The following NCK1 variants were observed in gnomAD, a reference collection of about 807,000 sequenced individuals.
NCK1 encodes the protein NCK adaptor protein 1, also known as SH2/SH3 adapter protein NCK1.
In NCK1, 19 loss-of-function variants were observed where a neutral mutation model predicts 36.6. The ratio of observed to expected loss-of-function variants is 0.52; its 90% CI spans 0.36 to 0.76. NCK1 has a LOEUF of 0.76. Among genes scored for constraint, NCK1 ranks in the 30% least tolerant of loss-of-function variants. NCK1 has a pLI of 0.00. For missense variants in NCK1, 358 were observed against 445.6 expected (o/e 0.80, Z 1.77); for synonymous variants, 165 against 156.0 (o/e 1.06, Z -0.43).
chr3:136,904,913 A>T (rs2108104544), intron 1 of NCK1, among the ~76,000 whole-genome samples: 1 of 142,096 alleles, frequency 7.0e-6, no homozygotes, highest in African/African-American at 2.6e-5. Context: ...AGAATCTTTT[A>T]TCTGCTTAAT....
At chr3:136,934,909 C>CT (rs762950267) in intron 2 of NCK1, among the ~76,000 whole-genome samples, 7 of 152,224 alleles carry the variant, frequency 4.6e-5, no homozygotes, top group Non-Finnish European at 7.4e-5. Context: ...TTGTGGTGAA[C>CT]TGTGAGGTCA....
intron 1 of NCK1, among the ~76,000 whole-genome samples, chr3:136,882,884 G>A (rs933207742): frequency 2.0e-5 from 3 of 152,150 alleles, no homozygotes; most frequent in Non-Finnish European, 4.4e-5. Context: ...CTCTTTCACA[G>A]CGTGTGTTGG....
At chr3:136,902,140 C>T (rs1243824130) in intron 1 of NCK1, among the ~76,000 whole-genome samples, 2 of 148,474 alleles carry the variant, frequency 1.3e-5, no homozygotes, top group African/African-American at 4.9e-5. Context: ...TGTTGTTTAA[C>T]TTCTGTGTAT....
At chr3:136,899,924 C>A in intron 1 of NCK1, 2 of 886,946 alleles carry the variant, frequency 2.3e-6, no homozygotes, top group South Asian at 2.7e-5. Flanking sequence ...GGAGATTGTT[C>A]AAATTAGGTT....
intron 1 of NCK1, among the ~76,000 whole-genome samples, chr3:136,904,179 G>A (rs1368851192): frequency 6.6e-6 from 1 of 151,820 alleles, no homozygotes; most frequent in Admixed American, 6.6e-5. Flanking sequence ...TTTTTAGACA[G>A]TCTCGCTCTG....
chr3:136,923,413 G>A (rs959267928), intron 1 of NCK1, among the ~76,000 whole-genome samples: 19 of 151,914 alleles, frequency 1.3e-4, no homozygotes, highest in Admixed American at 9.2e-4. Context: ...AAAATTAGCC[G>A]GGCATGGTGG....
At chr3:136,870,334 T>A (rs1938576137) in intron 1 of NCK1, among the ~76,000 whole-genome samples, 1 of 95,582 alleles carries the variant, frequency 1.0e-5, no homozygotes, top group African/African-American at 3.6e-5. Flanking sequence ...AAGGAGAGAC[T>A]TAATCTCAAA....
At chr3:136,915,505 T>A (rs1008001500) in intron 1 of NCK1, among the ~76,000 whole-genome samples, 1 of 152,200 alleles carries the variant, frequency 6.6e-6, no homozygotes, top group African/African-American at 2.4e-5. Context: ...GTAACTCCAG[T>A]AGGTCTTATG....
intron 1 of NCK1, among the ~76,000 whole-genome samples, chr3:136,913,093 C>T (rs1441462797): frequency 1.3e-5 from 2 of 151,758 alleles, no homozygotes; most frequent in African/African-American, 2.4e-5. Context: ...CTATTAGGCC[C>T]GTCTTCTGAT....
chr3:136,867,080 C>A (rs1020862151), intron 1 of NCK1, among the ~76,000 whole-genome samples: 3 of 3,732 alleles, frequency 8.0e-4, no homozygotes. Flanking sequence ...TTCTTTCTTT[C>A]TTTCTTTCTT....
At chr3:136,905,835 G>T (rs953873913) in intron 1 of NCK1, among the ~76,000 whole-genome samples, 2 of 151,928 alleles carry the variant, frequency 1.3e-5, no homozygotes, top group African/African-American at 4.8e-5. Flanking sequence ...ATGTTGCCCT[G>T]GCTGGTCTTG....
At chr3:136,866,501 T>G (rs1938415959) in intron 1 of NCK1, among the ~76,000 whole-genome samples, 1 of 151,896 alleles carries the variant, frequency 6.6e-6, no homozygotes, top group African/African-American at 2.4e-5. Context: ...GAGACGGGGT[T>G]TCTCCGTGTT....
rs946130587 is a variant in NCK1, at chr3:136,936,132, T to C, written c.226+7905T>C. Among the ~76,000 whole-genome samples the C allele has an allele frequency of 1.7e-4, 26 of 151,686 alleles. 1 individual carries two copies. Among genetic ancestry groups the C allele is most frequent in the African/African-American group, 6.3e-4 (26 of 41,362 alleles). On this transcript the variant is annotated intron_variant, in intron 2 of 3. Transcript: ENST00000481752. ...CTCAGCTCACTGCAACCTCTGCCTCTTGGGTTCAAGTGATTCTCCTGCCTC... is the reference window on the plus strand; with the variant it reads ...CTCAGCTCACTGCAACCTCTGCCTCCTGGGTTCAAGTGATTCTCCTGCCTC...
intron 1 of NCK1, among the ~76,000 whole-genome samples, chr3:136,871,624 T>C (rs1938620681): frequency 6.6e-6 from 1 of 152,178 alleles, no homozygotes; most frequent in African/African-American, 2.4e-5. Context: ...TCTATCGCCA[T>C]AAACTATTTT....
intron 1 of NCK1, among the ~76,000 whole-genome samples, chr3:136,868,657 T>TA (rs1560029291): frequency 6.6e-6 from 1 of 152,138 alleles, no homozygotes; most frequent in Non-Finnish European, 1.5e-5. Flanking sequence ...TATCATCTGC[T>TA]AAAAAATGAA....
intron 1 of NCK1, among the ~76,000 whole-genome samples, chr3:136,879,408 T>C (rs1054525887): frequency 7.9e-5 from 12 of 152,116 alleles, no homozygotes; most frequent in African/African-American, 2.2e-4. Flanking sequence ...AAAATAGATA[T>C]ACGCTTTCAA....
At chr3:136,918,342 G>GA (rs71626032) in intron 1 of NCK1, among the ~76,000 whole-genome samples, 19,419 of 149,568 alleles carry the variant, frequency 0.13, 1,426 homozygotes, top group Non-Finnish European at 0.18. Context: ...AAATATTCTG[G>GA]AAAAAAAAAT....
chr3:136,911,496 T>C (rs1939826819), intron 1 of NCK1, among the ~76,000 whole-genome samples: 1 of 152,244 alleles, frequency 6.6e-6, no homozygotes, highest in Non-Finnish European at 1.5e-5. Flanking sequence ...TTAGTGATGC[T>C]GAGCATTTTC....
chr3:136,912,193 C>T (rs745879846), intron 1 of NCK1, among the ~76,000 whole-genome samples: 9 of 134,102 alleles, frequency 6.7e-5, no homozygotes, highest in African/African-American at 2.4e-4. Flanking sequence ...GACCGAGTCT[C>T]GCTCTGTCAC....
Sources: gnomAD v4.1 joint callset for allele counts (sites outside exome capture counted in the v4.1 genomes callset) on GRCh38, gnomAD v4.1.1 for gene constraint, MANE v1.5 for transcripts, NCBI Gene and HGNC (gene_info 2026-07-23, HGNC 2026-07-21) for gene names.